ARID1B: variants seen among roughly 807,000 people sequenced by gnomAD.
ARID1B encodes AT-rich interaction domain 1B.
In ARID1B, 30 loss-of-function variants were observed where a neutral mutation model predicts 212.3. That is an observed-to-expected ratio of 0.14 (90% confidence interval 0.11 to 0.19). The LOEUF is 0.19. Ranked by LOEUF, ARID1B falls within the 10% of genes least tolerant of loss-of-function variation. ARID1B has a pLI of 1.00. For missense variants in ARID1B, 2,891 were observed against 3,204.0 expected, an observed-to-expected ratio of 0.90 and a Z score of 2.36; for synonymous variants, 1,402 against 1,301.7, an observed-to-expected ratio of 1.08 and a Z score of -1.66.
At chr6:157,114,145 G>C (rs1007781622) in intron 6 of ARID1B, among the ~76,000 whole-genome samples, 2 of 152,102 alleles carry the variant, frequency 1.3e-5, no homozygotes, top group Non-Finnish European at 2.9e-5. Flanking sequence ...ATACTCTTAC[G>C]GTTGATATAT....
rs967651797 is a variant in ARID1B at position 157,181,185 on chromosome 6, A to G, written c.3714+7A>G. 1 of 1,613,600 alleles carries G rather than the reference A, an allele frequency of 6.2e-7. No individual in the cohort carries two copies. The highest frequency in any genetic ancestry group is 8.5e-7 in the Non-Finnish European group (1 of 1,179,532). ...GATCGGGGGTTTGGCCCAGGTAAGA[A>G]TGAGTGAGGGAGGGGGTGAAAAAGG... On this transcript the variant is annotated splice_region_variant and intron_variant, in intron 12 of 19. Transcript: ENST00000636930.
intron 3 of ARID1B, among the ~76,000 whole-genome samples, chr6:156,919,554 A>T (rs1790618340): frequency 6.6e-6 from 1 of 152,222 alleles, no homozygotes; most frequent in African/African-American, 2.4e-5. Context: ...GGTTTGAAGC[A>T]TCTCAGACAC....
intron 1 of ARID1B, chr6:156,780,220 C>T (rs965662233): frequency 1.3e-5 from 2 of 152,174 alleles, no homozygotes; most frequent in Non-Finnish European, 1.5e-5. Flanking sequence ...CTTCAACAGG[C>T]AGGCTATGTG....
chr6:157,010,969 C>T (rs1052219308), intron 4 of ARID1B, among the ~76,000 whole-genome samples: 1 of 152,180 alleles, frequency 6.6e-6, no homozygotes, highest in African/African-American at 2.4e-5. Flanking sequence ...ACTGCAACAG[C>T]CTGGTCCGAA....
intron 8 of ARID1B, chr6:157,166,631 C>A: frequency 6.5e-6 from 1 of 154,258 alleles, no homozygotes; most frequent in Non-Finnish European, 1.4e-5. Context: ...CCCACACTGC[C>A]CATTTGTTTT....
chr6:156,950,227 C>A (rs1562505598), intron 4 of ARID1B, among the ~76,000 whole-genome samples: 1 of 152,164 alleles, frequency 6.6e-6, no homozygotes, highest in Non-Finnish European at 1.5e-5. Context: ...AGGTACAGAT[C>A]TACTTGGTTT....
At chr6:156,848,599 C>G (rs1008946174) in intron 2 of ARID1B, among the ~76,000 whole-genome samples, 1 of 152,240 alleles carries the variant, frequency 6.6e-6, no homozygotes, top group African/African-American at 2.4e-5. Context: ...GGACCACCAT[C>G]CTGGCTGGAG....
At chr6:157,186,266 T>C in intron 13 of ARID1B, 1 of 348,394 alleles carries the variant, frequency 2.9e-6, no homozygotes, top group South Asian at 2.3e-5. Context: ...TCCCCTTTTT[T>C]AAACTGTCAT....
intron 5 of ARID1B, among the ~76,000 whole-genome samples, chr6:157,089,693 T>A (rs1785160529): frequency 6.6e-6 from 1 of 150,480 alleles, no homozygotes; most frequent in Non-Finnish European, 1.5e-5. Flanking sequence ...TTTTACCTAT[T>A]CTCTCTCCTC....
At chr6:156,853,540 G>A (rs1189488873) in intron 2 of ARID1B, among the ~76,000 whole-genome samples, 2 of 151,930 alleles carry the variant, frequency 1.3e-5, no homozygotes, top group East Asian at 1.9e-4. Flanking sequence ...GGTGGAAGAG[G>A]GGGCAAGGTG....
intron 1 of ARID1B, among the ~76,000 whole-genome samples, chr6:156,809,926 A>G (rs1781449556): frequency 6.6e-6 from 1 of 152,114 alleles, no homozygotes; most frequent in Non-Finnish European, 1.5e-5. Flanking sequence ...GAGGACAAAA[A>G]GATGCAGCTC....
chr6:157,039,867 T>TTCC, intron 4 of ARID1B, among the ~76,000 whole-genome samples: 2 of 79,252 alleles, frequency 2.5e-5, no homozygotes, highest in African/African-American at 8.8e-5. Flanking sequence ...TTTCTCTCTC[T>TTCC]TTCTCTTTCT....
rs553625237 is a variant in ARID1B, at chr6:156,945,517, T to G, written c.2247+9941T>G. Among the ~76,000 whole-genome samples, 76 of 152,014 alleles carry G rather than the reference T, an allele frequency of 5.0e-4. 2 individuals carry two copies. The highest frequency in any genetic ancestry group is 1.6e-3 in the African/African-American group (67 of 41,448). On this transcript the variant is annotated intron_variant, in intron 4 of 19. Transcript: ENST00000636930. ...GCAGATTCTTTCCTGTTTTTAGAAT[T>G]TCCTGACTTGCGTAGGTAGGGATCT...
rs903840228 is a variant in ARID1B, at chr6:157,029,026, TAACTC to T, written c.2248-55634_2248-55630del. ...TTCAAGTCTAGAAGTCATTACCTCT[TAACTC>T]AGGATGGATAGAAAAGATCTATCTT... On this transcript the variant is annotated intron_variant, in intron 4 of 19. Transcript: ENST00000636930. Among the ~76,000 whole-genome samples the T allele has an allele frequency of 3.3e-5, 5 of 152,390 alleles. No homozygotes were observed. The East Asian group carries it at 5.8e-4, about 18-fold the overall frequency.
At chr6:157,001,973 G>C (rs1463170906) in intron 4 of ARID1B, among the ~76,000 whole-genome samples, 1 of 152,230 alleles carries the variant, frequency 6.6e-6, no homozygotes, top group East Asian at 1.9e-4. Context: ...TTGAGAAGGC[G>C]TGCAGTGAAT....
chr6:157,208,870 AC>A lies in ARID1B; in HGVS notation c.*980del, dbSNP rs1197361046. 2 of 226,526 alleles carry A rather than the reference AC, an allele frequency of 8.8e-6. No individual in the cohort carries two copies. Among genetic ancestry groups the A allele is most frequent in the Non-Finnish European group, 1.7e-5 (2 of 114,596 alleles). 14.0% of individuals were successfully genotyped at this position (226,526 alleles called of 1,614,324 possible). The stretch of plus-strand genomic sequence containing the variant: ...AAAAAAGAAAGAAAAAATACAAAAA[AC>A]AAAAACAAAAAAAAAAGAGGGTAAT... On this transcript the variant is annotated 3_prime_UTR_variant, in exon 20 of 20. Transcript: ENST00000636930.
intron 6 of ARID1B, among the ~76,000 whole-genome samples, chr6:157,127,582 T>C (rs1788216283): frequency 2.0e-5 from 3 of 150,322 alleles, no homozygotes; most frequent in Admixed American, 6.6e-5. Flanking sequence ...CCATCCTGGC[T>C]AATATGGTGA....
At chr6:157,066,542 G>A (rs1025537987) in intron 4 of ARID1B, among the ~76,000 whole-genome samples, 1 of 152,084 alleles carries the variant, frequency 6.6e-6, no homozygotes, top group Non-Finnish European at 1.5e-5. Flanking sequence ...CCAAAACACT[G>A]TCTTGCTTGT....
At chr6:157,104,573 A>T (rs1232654588) in intron 5 of ARID1B, among the ~76,000 whole-genome samples, 1 of 152,244 alleles carries the variant, frequency 6.6e-6, no homozygotes, top group East Asian at 1.9e-4. Flanking sequence ...ATTAACATAC[A>T]AAAAGCAGTA....
Sources: allele counts gnomAD v4.1 joint callset (sites outside exome capture counted in the v4.1 genomes callset), GRCh38; gene constraint gnomAD v4.1.1; transcripts MANE v1.5; gene names NCBI Gene and HGNC (gene_info 2026-07-23, HGNC 2026-07-21).